The following XXYLT1 variants were observed in gnomAD, a reference collection of about 807,000 sequenced individuals.
The protein encoded by XXYLT1 is UDP-xylose:alpha-xyloside alpha-1,3-xylosyltransferase.
A neutral mutation model predicts 28.9 loss-of-function variants in XXYLT1; 20 were observed. The observed-to-expected ratio is 0.69, with a 90% CI of 0.49 to 1.00. The LOEUF is 1.00. XXYLT1 is among the 50% of genes least tolerant of loss of function. The pLI is 0.00. For missense variants in XXYLT1, 542 were observed against 560.1 expected (o/e 0.97, Z 0.33); for synonymous variants, 257 against 253.8 (o/e 1.01, Z -0.12).
chr3:195,110,337 A>G (rs114394509), intron 3 of XXYLT1, among the ~76,000 whole-genome samples: 5 of 2,206 alleles, frequency 2.3e-3, no homozygotes, highest in Non-Finnish European at 3.3e-3. Flanking sequence ...AGGTGTGTGT[A>G]TGTGTGTGGT....
At chr3:195,085,211 T>C (rs1226327310) in intron 3 of XXYLT1, among the ~76,000 whole-genome samples, 3 of 152,180 alleles carry the variant, frequency 2.0e-5, no homozygotes, top group African/African-American at 7.2e-5. Flanking sequence ...TGGAGAACAG[T>C]TCAGAGGAGC....
chr3:195,249,818 C>T (rs2108838357), intron 1 of XXYLT1, among the ~76,000 whole-genome samples: 1 of 152,332 alleles, frequency 6.6e-6, no homozygotes, highest in Non-Finnish European at 1.5e-5. Flanking sequence ...TTCAAGTCCA[C>T]GCATAAATAA....
At chr3:195,108,983 A>G (rs933001953) in intron 3 of XXYLT1, among the ~76,000 whole-genome samples, 1 of 152,202 alleles carries the variant, frequency 6.6e-6, no homozygotes, top group African/African-American at 2.4e-5. Context: ...TCAGAGCTTT[A>G]CCTGTATTTT....
rs59599739 is a variant in XXYLT1 at position 195,109,700 on chromosome 3, G to GT, written c.786-39590_786-39589insA. 1.9e-4 allele frequency among the ~76,000 whole-genome samples: 18 copies of GT among 95,398 alleles called. 4 individuals are homozygous for GT. Among genetic ancestry groups the GT allele is most frequent in the African/African-American group, 8.1e-4 (18 of 22,262 alleles). 62.6% of individuals were successfully genotyped at this position (95,398 alleles called of 152,430 possible). On this transcript the variant is annotated intron_variant, in intron 3 of 3. Transcript: ENST00000310380. ...TGTTGTATGAGTGTGTGTGGTGTCT[G>GT]GTGTGTGTGGTGTATGAGTGTGCGT... is the stretch of plus-strand genomic sequence containing the variant.
At chr3:195,202,045 T>C (rs183539170) in intron 2 of XXYLT1, among the ~76,000 whole-genome samples, 4,293 of 151,358 alleles carry the variant, frequency 0.028, 93 homozygotes, top group Non-Finnish European at 0.046. Context: ...GGTGTGGTGG[T>C]GTGCACCTGT....
At chr3:195,253,645 C>T (rs572342115) in intron 1 of XXYLT1, among the ~76,000 whole-genome samples, 4 of 152,002 alleles carry the variant, frequency 2.6e-5, no homozygotes, top group African/African-American at 9.6e-5. Flanking sequence ...ACTACAGGTG[C>T]CCACCACCAC....
chr3:195,193,202 C>T (rs1405955522), intron 2 of XXYLT1, among the ~76,000 whole-genome samples: 1 of 151,306 alleles, frequency 6.6e-6, no homozygotes, highest in Admixed American at 6.6e-5. Context: ...GCAAGAGAAT[C>T]GCTTGAACCC....
intron 3 of XXYLT1, among the ~76,000 whole-genome samples, chr3:195,120,303 C>CCCCCCCCCCCCCCCCCCCCCT (rs1560106289): frequency 7.0e-6 from 1 of 142,172 alleles, no homozygotes; most frequent in Admixed American, 7.1e-5. Flanking sequence ...GCCCCAGCCC[C>CCCCCCCCCCCCCCCCCCCCCT]CATGGCCACA....
At chr3:195,178,383 C>G (rs755225973) in intron 2 of XXYLT1, among the ~76,000 whole-genome samples, 8 of 152,190 alleles carry the variant, frequency 5.3e-5, no homozygotes, top group Non-Finnish European at 1.0e-4. Flanking sequence ...GCTTGAGAAG[C>G]CGGCCCTGCT....
At chr3:195,223,619 T>C (rs970551605) in intron 2 of XXYLT1, among the ~76,000 whole-genome samples, 7 of 152,170 alleles carry the variant, frequency 4.6e-5, no homozygotes, top group African/African-American at 7.2e-5. Context: ...TTAAGAATCA[T>C]GACAAACTCA....
chr3:195,196,385 C>G (rs1404296619), intron 2 of XXYLT1, among the ~76,000 whole-genome samples: 3 of 152,316 alleles, frequency 2.0e-5, no homozygotes, highest in East Asian at 3.9e-4. Context: ...TTCCCCACAG[C>G]CTACAGGGTC....
chr3:195,177,748 A>G (rs1220564769), intron 2 of XXYLT1, among the ~76,000 whole-genome samples: 2 of 152,108 alleles, frequency 1.3e-5, no homozygotes, highest in Non-Finnish European at 2.9e-5. Context: ...CAACACAGCA[A>G]GATCCCATCT....
At chr3:195,232,495 T>G (rs1023517960) in intron 1 of XXYLT1, among the ~76,000 whole-genome samples, 3 of 152,172 alleles carry the variant, frequency 2.0e-5, no homozygotes, top group Non-Finnish European at 2.9e-5. Flanking sequence ...TTGAACTTTT[T>G]CTTCTTTTTT....
chr3:195,175,992 G>A (rs1721647911), intron 2 of XXYLT1: 2 of 1,069,196 alleles, frequency 1.9e-6, no homozygotes, highest in Middle Eastern at 3.6e-4. Flanking sequence ...GGTCATCAGT[G>A]TATACGTAGC....
At chr3:195,235,897 CATAG>C (rs1724517032) in intron 1 of XXYLT1, among the ~76,000 whole-genome samples, 2 of 35,744 alleles carry the variant, frequency 5.6e-5, no homozygotes, top group African/African-American at 2.9e-4. Flanking sequence ...AATATATAGA[CATAG>C]ACATAGACAT....
At chr3:195,269,914 G>C (rs961844642) in intron 1 of XXYLT1, among the ~76,000 whole-genome samples, 1 of 152,190 alleles carries the variant, frequency 6.6e-6, no homozygotes, top group Non-Finnish European at 1.5e-5. Flanking sequence ...GGGACAAGGC[G>C]GCCAGCTGTG....
chr3:195,179,534 T>C (rs1721845120), intron 2 of XXYLT1, among the ~76,000 whole-genome samples: 2 of 152,048 alleles, frequency 1.3e-5, no homozygotes, highest in African/African-American at 4.8e-5. Context: ...TACACTCAAC[T>C]TGAACACTGG....
At chr3:195,239,378 G>A (rs553439609) in intron 1 of XXYLT1, among the ~76,000 whole-genome samples, 18 of 152,252 alleles carry the variant, frequency 1.2e-4, no homozygotes, top group Admixed American at 1.0e-3. Flanking sequence ...TGAGAGGGAT[G>A]GGGGAGAGAA....
chr3:195,189,115 T>C (rs375482792), intron 2 of XXYLT1, among the ~76,000 whole-genome samples: 1 of 152,026 alleles, frequency 6.6e-6, no homozygotes, highest in Non-Finnish European at 1.5e-5. Flanking sequence ...CTTTATGAGG[T>C]GGATACTATA....
Sources: gnomAD v4.1 joint callset for allele counts (sites outside exome capture counted in the v4.1 genomes callset) on GRCh38, gnomAD v4.1.1 for gene constraint, MANE v1.5 for transcripts, NCBI Gene and HGNC (gene_info 2026-07-23, HGNC 2026-07-21) for gene names.